Variants in CNTN4 observed in about 807,000 individuals in gnomAD.
CNTN4 encodes contactin 4, also known as contactin-4.
Under a neutral mutation model 122.5 loss-of-function variants are expected in CNTN4, and 77 were observed. The observed-to-expected ratio is 0.63, with a 90% CI of 0.52 to 0.76. The LOEUF (loss-of-function observed/expected upper bound fraction) is 0.76. Among genes scored for constraint, CNTN4 ranks in the 30% least tolerant of loss-of-function variants. The probability of loss-of-function intolerance (pLI) is 0.00; values close to 1 mark genes in which losing one functional copy is unlikely to be tolerated. For synonymous variants in CNTN4, 512 were observed against 447.0 expected (o/e 1.15, Z -1.83); for missense variants, 1,256 against 1,259.1 (o/e 1.00, Z 0.04).
At chr3:2,495,004 G>A (rs1228714264) in intron 3 of CNTN4, among the ~76,000 whole-genome samples, 1 of 152,018 alleles carries the variant, frequency 6.6e-6, no homozygotes, top group Admixed American at 6.6e-5. Context: ...TCCTACAAAG[G>A]TAGTCCATTA....
chr3:2,220,092 T>G lies in CNTN4; in HGVS notation c.-144-119086T>G, dbSNP rs988083031. Among the ~76,000 whole-genome samples, 6 of 152,182 alleles carry G rather than the reference T, an allele frequency of 3.9e-5. No individual in the cohort carries two copies. The South Asian group carries it at 6.2e-4, about 16-fold the overall frequency. ...CATCACTCAGAGTGTTTTCTCCTTC[T>G]GGTATACTGTTCCTCTCTTGTCATG... On this transcript the variant is annotated intron_variant, in intron 2 of 24. Coordinates refer to ENST00000418658, the MANE Select transcript of CNTN4 (RefSeq NM_175607.3).
At chr3:2,520,499 C>G (rs554120650) in intron 3 of CNTN4, among the ~76,000 whole-genome samples, 2 of 151,794 alleles carry the variant, frequency 1.3e-5, no homozygotes, top group South Asian at 4.2e-4. Flanking sequence ...GTCTCGAACT[C>G]CTGACCTCTG....
intron 6 of CNTN4, among the ~76,000 whole-genome samples, chr3:2,750,128 T>G (rs1247664805): frequency 6.6e-6 from 1 of 152,226 alleles, no homozygotes; most frequent in Non-Finnish European, 1.5e-5. Context: ...AATTACTCAT[T>G]GTTAATACAT....
intron 8 of CNTN4, among the ~76,000 whole-genome samples, chr3:2,875,271 C>T (rs901828279): frequency 5.3e-5 from 8 of 152,172 alleles, no homozygotes; most frequent in African/African-American, 1.9e-4. Context: ...ATGTGAGCTA[C>T]CATGCCCGGA....
At chr3:2,663,391 G>A (rs924057434) in intron 4 of CNTN4, among the ~76,000 whole-genome samples, 4 of 152,122 alleles carry the variant, frequency 2.6e-5, no homozygotes, top group South Asian at 4.1e-4. Context: ...GAGGAAGAGA[G>A]AAGGTACAGT....
At chr3:2,514,155 G>A (rs182232165) in intron 3 of CNTN4, among the ~76,000 whole-genome samples, 10 of 152,054 alleles carry the variant, frequency 6.6e-5, no homozygotes, top group African/African-American at 1.4e-4. Context: ...TTGGACCCTC[G>A]GCAGACTGTT....
intron 13 of CNTN4, 123 bp downstream of exon 13, chr3:2,925,902 G>A: frequency 3.6e-6 from 3 of 830,762 alleles, no homozygotes; most frequent in South Asian, 3.1e-5. Flanking sequence ...GTTAAAAAAA[G>A]AACAGAAGCT....
At chr3:2,664,028 A>G (rs763349784) in intron 4 of CNTN4, among the ~76,000 whole-genome samples, 1 of 152,158 alleles carries the variant, frequency 6.6e-6, no homozygotes, top group Admixed American at 6.5e-5. Context: ...GGAAAAGGGA[A>G]CAAATGCTAA....
intron 4 of CNTN4, among the ~76,000 whole-genome samples, chr3:2,623,183 C>G (rs893162048): frequency 6.6e-6 from 1 of 151,868 alleles, no homozygotes; most frequent in African/African-American, 2.4e-5. Context: ...TCTGGTGGGC[C>G]TGCAAATAGT....
At chr3:2,947,100 G>T (rs946964672) in intron 13 of CNTN4, among the ~76,000 whole-genome samples, 1 of 152,144 alleles carries the variant, frequency 6.6e-6, no homozygotes, top group South Asian at 2.1e-4. Flanking sequence ...TACAATCCTT[G>T]TATCCCAAAT....
intron 4 of CNTN4, among the ~76,000 whole-genome samples, chr3:2,634,555 G>A (rs1017074129): frequency 1.3e-5 from 2 of 151,924 alleles, no homozygotes; most frequent in African/African-American, 2.4e-5. Flanking sequence ...CTAGGGCCGG[G>A]CACAGTGGCT....
chr3:2,719,962 G>T (rs1434095178), intron 4 of CNTN4, among the ~76,000 whole-genome samples: 3 of 152,038 alleles, frequency 2.0e-5, no homozygotes, highest in Non-Finnish European at 4.4e-5. Context: ...CATTCATTAA[G>T]GATGGATCAG....
At chr3:2,849,234 T>C (rs929894762) in intron 7 of CNTN4, among the ~76,000 whole-genome samples, 7 of 152,176 alleles carry the variant, frequency 4.6e-5, no homozygotes, top group African/African-American at 1.7e-4. Context: ...CTGAACCTAA[T>C]AGGCCCACAT....
chr3:2,149,829 G>A (rs996834098), intron 2 of CNTN4, among the ~76,000 whole-genome samples: 4 of 152,116 alleles, frequency 2.6e-5, no homozygotes, highest in African/African-American at 9.7e-5. Flanking sequence ...AGGTTGTGTA[G>A]TTGACTTGTG....
intron 3 of CNTN4, among the ~76,000 whole-genome samples, chr3:2,403,862 C>G (rs2046940653): frequency 6.6e-6 from 1 of 152,068 alleles, no homozygotes; most frequent in Non-Finnish European, 1.5e-5. Flanking sequence ...AATTTCAAAC[C>G]TAGAATTCTT....
chr3:2,916,845 G>GGGT (rs2094365871), intron 12 of CNTN4, among the ~76,000 whole-genome samples: 1 of 150,952 alleles, frequency 6.6e-6, no homozygotes, highest in Non-Finnish European at 1.5e-5. Context: ...TTCCCAGACG[G>GGGT]GGCAGCCAGG....
chr3:2,192,171 A>G (rs1475267913), intron 2 of CNTN4, among the ~76,000 whole-genome samples: 2 of 152,102 alleles, frequency 1.3e-5, no homozygotes, highest in African/African-American at 4.8e-5. Flanking sequence ...GCTATTGTGA[A>G]TAGTGCCACA....
intron 3 of CNTN4, among the ~76,000 whole-genome samples, chr3:2,390,912 T>A (rs1161727860): frequency 6.6e-6 from 1 of 152,240 alleles, no homozygotes; most frequent in Non-Finnish European, 1.5e-5. Flanking sequence ...TGGCATTTTC[T>A]TCTTTCAGAA....
intron 3 of CNTN4, among the ~76,000 whole-genome samples, chr3:2,424,191 G>A (rs577297447): frequency 4.7e-5 from 7 of 149,566 alleles, no homozygotes; most frequent in Admixed American, 2.0e-4. Context: ...CATTAGGTAT[G>A]TTTCCTAATG....
Sources: gnomAD v4.1 joint callset for allele counts (sites outside exome capture counted in the v4.1 genomes callset) on GRCh38, gnomAD v4.1.1 for gene constraint, MANE v1.5 for transcripts, NCBI Gene and HGNC (gene_info 2026-07-23, HGNC 2026-07-21) for gene names.